ZNF280D: variants seen among roughly 807,000 people sequenced by gnomAD.
ZNF280D encodes the protein zinc finger protein 280D.
A neutral mutation model predicts 94.7 loss-of-function variants in ZNF280D; 39 were observed. The ratio of observed to expected loss-of-function variants is 0.41; its 90% confidence interval spans 0.32 to 0.54. The LOEUF (loss-of-function observed/expected upper bound fraction) is 0.54, where lower values mean the gene tolerates loss of function less well. Ranked by LOEUF, ZNF280D falls within the 20% of genes least tolerant of loss-of-function variation. The pLI is 0.22. For missense variants in ZNF280D, 1,090 were observed against 1,149.3 expected (o/e 0.95, Z 0.75); for synonymous variants, 398 against 377.6 (o/e 1.05, Z -0.63).
At position 56,654,596 on chromosome 15, in the gene ZNF280D, C is replaced by T. The variant is rs531055063; in HGVS notation, c.2058-93G>A. On this transcript the variant is annotated intron_variant, in intron 17 of 21. Transcript: ENST00000267807. ...ATTTTTCCATAATTTGCTTTTTGTG[C>T]CATACATAACTATAACTTCCCATTT... is the stretch of plus-strand genomic sequence containing the variant. 5.3e-5 allele frequency: 59 copies of T among 1,120,324 alleles called. No homozygotes were observed. In the East Asian group the frequency reaches 1.2e-3, roughly 22 times the overall value. The allele number at this position is 1,120,324 out of a possible 1,614,324, so 69.4% of individuals were successfully genotyped here. A position where few individuals can be genotyped will look rare whatever the true frequency, so the allele number is the denominator to read the frequency against.
chr15:56,713,871 A>T (rs1343847639), intron 1 of ZNF280D, among the ~76,000 whole-genome samples: 1 of 152,184 alleles, frequency 6.6e-6, no homozygotes, highest in Non-Finnish European at 1.5e-5. Flanking sequence ...ACAGGATTAG[A>T]AAAGCAGTGA....
chr15:56,675,018 C>T (rs935697004), intron 13 of ZNF280D, among the ~76,000 whole-genome samples: 5 of 152,034 alleles, frequency 3.3e-5, no homozygotes, highest in African/African-American at 4.8e-5. Context: ...TAAATCATTA[C>T]ACAAATTGTA....
intron 7 of ZNF280D, among the ~76,000 whole-genome samples, chr15:56,690,802 A>C (rs2056381786): frequency 6.6e-6 from 1 of 152,234 alleles, no homozygotes; most frequent in African/African-American, 2.4e-5. Flanking sequence ...CATTAAAAGT[A>C]GAAATGGTAC....
At chr15:56,671,009 G>A (rs775416229) in intron 13 of ZNF280D, among the ~76,000 whole-genome samples, 4 of 151,542 alleles carry the variant, frequency 2.6e-5, no homozygotes, top group South Asian at 2.1e-4. Flanking sequence ...TCCTTTGCCC[G>A]CTTTCTAATG....
intron 16 of ZNF280D, among the ~76,000 whole-genome samples, chr15:56,661,358 C>T (rs187056092): frequency 7.6e-4 from 116 of 152,126 alleles, no homozygotes; most frequent in African/African-American, 2.7e-3. Flanking sequence ...GGATTTTAGG[C>T]CAAAGAATGA....
intron 19 of ZNF280D, 113 bp downstream of exon 19, chr15:56,654,084 CA>C: frequency 6.8e-7 from 1 of 1,461,452 alleles, no homozygotes; most frequent in Non-Finnish European, 9.0e-7. Context: ...AAAAAAAAAA[CA>C]AAAAAACAAC....
chr15:56,722,896 C>G lies in ZNF280D; in HGVS notation c.-86+10562G>C, dbSNP rs1265052230. Among the ~76,000 whole-genome samples the G allele has an allele frequency of 1.2e-4, 18 of 151,662 alleles. 3 individuals carry two copies. Among genetic ancestry groups the G allele is most frequent in the Admixed American group, 1.0e-3 (16 of 15,250 alleles). On this transcript the variant is annotated intron_variant, in intron 1 of 21. Transcript: ENST00000267807. Reference sequence around the variant, plus strand: ...ATATACACCATGGAATACTATGCAGCCATAAAAAATGATGAGTTCATGTCC... The same window carrying G: ...ATATACACCATGGAATACTATGCAGGCATAAAAAATGATGAGTTCATGTCC...
chr15:56,651,110 C>T (rs138737530), intron 19 of ZNF280D, among the ~76,000 whole-genome samples: 142 of 152,248 alleles, frequency 9.3e-4, no homozygotes, highest in African/African-American at 3.2e-3. Context: ...TAGGACAATG[C>T]CAGGCACAAA....
Position 56,669,913 on chromosome 15 carries a change from AT to A in ZNF280D, c.1411-957del, listed in dbSNP as rs1244130124. ...TTATATATATATATAATATATATATATTATATATATATTATATATATATTAT... is the reference window on the plus strand; with the variant it reads ...TTATATATATATATAATATATATATATATATATATATTATATATATATTAT... On this transcript the variant is annotated intron_variant, in intron 13 of 21. Transcript: ENST00000267807. Among the ~76,000 whole-genome samples the A allele has an allele frequency of 5.3e-3, 29 of 5,522 alleles. 5 individuals carry two copies. The highest frequency in any genetic ancestry group is 0.015 in the African/African-American group (26 of 1,780). 3.6% of individuals were successfully genotyped at this position (5,522 alleles called of 152,430 possible).
chr15:56,724,451 T>C (rs2058531513), intron 1 of ZNF280D, among the ~76,000 whole-genome samples: 1 of 152,224 alleles, frequency 6.6e-6, no homozygotes, highest in African/African-American at 2.4e-5. Flanking sequence ...TTGTTGTCAC[T>C]GCCTGCCTGT....
chr15:56,676,918 T>C, intron 12 of ZNF280D, 102 bp from the exon 13 acceptor site: 1 of 892,276 alleles, frequency 1.1e-6, no homozygotes, highest in South Asian at 1.7e-5. Flanking sequence ...CATTATGTAC[T>C]ACTAATCTAG....
intron 13 of ZNF280D, among the ~76,000 whole-genome samples, chr15:56,669,564 T>G (rs2140886462): frequency 6.6e-6 from 1 of 151,556 alleles, no homozygotes; most frequent in South Asian, 2.1e-4. Flanking sequence ...GAACTACATT[T>G]TTAATACTGT....
At chr15:56,689,529 T>G in intron 7 of ZNF280D, 59 bp from the exon 8 acceptor site, 1 of 1,051,710 alleles carries the variant, frequency 9.5e-7, no homozygotes, top group Non-Finnish European at 1.3e-6. Context: ...TATTTACATC[T>G]GAGTAAAAAT....
At chr15:56,635,142 G>A (rs2140500334) in intron 21 of ZNF280D, 53 bp downstream of exon 21, 1 of 1,122,614 alleles carries the variant, frequency 8.9e-7, no homozygotes, top group South Asian at 1.5e-5. Context: ...TGCAGCTCAA[G>A]TGTTATTTTG....
chr15:56,710,926 T>C (rs2057726118), intron 1 of ZNF280D, among the ~76,000 whole-genome samples: 1 of 152,044 alleles, frequency 6.6e-6, no homozygotes, highest in African/African-American at 2.4e-5. Flanking sequence ...AAAAAGAATA[T>C]CGCACTAGAA....
intron 21 of ZNF280D, among the ~76,000 whole-genome samples, chr15:56,632,794 T>G (rs1246206886): frequency 6.6e-6 from 1 of 152,116 alleles, no homozygotes; most frequent in Non-Finnish European, 1.5e-5. Context: ...CAGTCTCCTT[T>G]ATGATTTAAA....
rs1206680638 is a variant in ZNF280D at position 56,714,595 on chromosome 15, C to T, written c.-85-7289G>A. On this transcript the variant is annotated intron_variant, in intron 1 of 21. Transcript: ENST00000267807. ...GGACTAGAATAGGGAAAATCCAGGT[C>T]CTGGAAGAGGCTGCTCTTTCCAAGA... Among the ~76,000 whole-genome samples, 5 of 152,208 alleles carry T rather than the reference C, an allele frequency of 3.3e-5. No homozygotes were observed. In the South Asian group the frequency reaches 1.0e-3, roughly 32 times the overall value.
At position 56,677,618 on chromosome 15, in the gene ZNF280D, T is replaced by C; in HGVS notation, c.1219A>G (p.Met407Val). 1 of 1,610,516 alleles carries C rather than the reference T, an allele frequency of 6.2e-7. No homozygotes were observed. The highest frequency in any genetic ancestry group is 8.5e-7 in the Non-Finnish European group (1 of 1,178,290). Residue 407 changes from methionine to valine, a missense_variant, in exon 12 of 22, where the codon ATG becomes GTG. Physicochemically the swap from Met to Val is conservative, Grantham distance 21. This residue lies in a region of ZNF280D where 127 missense variants were observed against 208.6 expected (regional missense o/e 0.61). Coordinates refer to ENST00000267807, the MANE Select transcript of ZNF280D (RefSeq NM_017661.4). ...FETEHVLLQH[M>V]KDNHKPGEMP... Reference sequence around the variant, plus strand: ...TCACCAGGTTTATGATTGTCCTTCATATGTTGTAAAAGAACATGTTCTGTT... The same window carrying C: ...TCACCAGGTTTATGATTGTCCTTCACATGTTGTAAAAGAACATGTTCTGTT...
intron 10 of ZNF280D, 21 bp downstream of exon 10, chr15:56,682,233 T>C (rs957310345): frequency 6.8e-7 from 1 of 1,474,944 alleles, no homozygotes; most frequent in Non-Finnish European, 9.2e-7. Flanking sequence ...TCAATAGAAA[T>C]AAAAACAAGT....
Sources: gnomAD v4.1 joint callset for allele counts (sites outside exome capture counted in the v4.1 genomes callset) on GRCh38, gnomAD v4.1.1 for gene constraint, gnomAD v4.1.1 regional missense constraint, MANE v1.5 for transcripts, NCBI Gene and HGNC (gene_info 2026-07-23, HGNC 2026-07-21) for gene names.